DENND1B: variants seen among roughly 807,000 people sequenced by gnomAD.
DENND1B encodes the protein DENN domain containing 1B, also known as DENN domain-containing protein 1B.
In DENND1B, 59 loss-of-function variants were observed where a neutral mutation model predicts 90.1. The ratio of observed to expected loss-of-function variants is 0.65; its 90% CI spans 0.53 to 0.81. DENND1B has a LOEUF of 0.81. DENND1B is among the 40% of genes least tolerant of loss of function. The pLI, the probability that DENND1B is intolerant of heterozygous loss-of-function variation, is 0.00. For missense variants in DENND1B, 862 were observed against 912.6 expected (o/e 0.94, Z 0.71); for synonymous variants, 337 against 324.6 (o/e 1.04, Z -0.41).
At chr1:197,737,910 GA>G (rs1438015146) in intron 2 of DENND1B, among the ~76,000 whole-genome samples, 1 of 152,288 alleles carries the variant, frequency 6.6e-6, no homozygotes, top group Admixed American at 6.5e-5. Flanking sequence ...TTAGTTCTAA[GA>G]TAAAATTTCC....
intron 20 of DENND1B, among the ~76,000 whole-genome samples, chr1:197,529,310 G>GTA (rs1205865176): frequency 9.0e-5 from 13 of 143,704 alleles, no homozygotes; most frequent in East Asian, 4.0e-4. Context: ...GTGTATATAT[G>GTA]TATATATATG....
intron 9 of DENND1B, among the ~76,000 whole-genome samples, chr1:197,643,282 G>C (rs1212455771): frequency 6.6e-6 from 1 of 151,928 alleles, no homozygotes; most frequent in African/African-American, 2.4e-5. Flanking sequence ...AGCCACCAGA[G>C]TAGCTAGGAT....
intron 2 of DENND1B, among the ~76,000 whole-genome samples, chr1:197,759,878 T>C (rs778089484): frequency 6.6e-6 from 1 of 152,262 alleles, no homozygotes; most frequent in Non-Finnish European, 1.5e-5. Context: ...TTTAAATTTT[T>C]AACTCAGAAT....
chr1:197,546,963 A>G (rs1571828312), intron 16 of DENND1B, among the ~76,000 whole-genome samples, 190 bp from the exon 17 acceptor site: 1 of 152,352 alleles, frequency 6.6e-6, no homozygotes, highest in East Asian at 1.9e-4. Flanking sequence ...TTAGTCAATA[A>G]GATGATATCA....
At chr1:197,645,804 G>T in intron 8 of DENND1B, 61 bp from the exon 9 acceptor site, 2 of 1,159,358 alleles carry the variant, frequency 1.7e-6, no homozygotes, top group Middle Eastern at 2.6e-4. Flanking sequence ...CATATAATTT[G>T]TAATGAAAAT....
chr1:197,554,675 T>TAA, intron 15 of DENND1B, among the ~76,000 whole-genome samples: 1 of 151,134 alleles, frequency 6.6e-6, no homozygotes, highest in Admixed American at 6.6e-5. Context: ...CCATCTCTAC[T>TAA]AAAAAATACA....
intron 2 of DENND1B, among the ~76,000 whole-genome samples, chr1:197,744,812 A>G (rs550141539): frequency 3.3e-5 from 5 of 152,324 alleles, no homozygotes; most frequent in African/African-American, 9.6e-5. Context: ...AGGCTGTTTC[A>G]TCTACACTGA....
At chr1:197,697,609 T>A (rs1658570395) in intron 3 of DENND1B, among the ~76,000 whole-genome samples, 1 of 151,546 alleles carries the variant, frequency 6.6e-6, no homozygotes, top group Non-Finnish European at 1.5e-5. Context: ...GCACTCCAAT[T>A]AGAAGTAGAG....
intron 15 of DENND1B, among the ~76,000 whole-genome samples, chr1:197,576,078 A>T (rs1316370481): frequency 6.6e-6 from 1 of 152,200 alleles, no homozygotes; most frequent in Non-Finnish European, 1.5e-5. Context: ...CCTAAAGTAT[A>T]ATTTAAAAAG....
chr1:197,697,261 T>A (rs912246448), intron 3 of DENND1B, among the ~76,000 whole-genome samples: 20 of 151,760 alleles, frequency 1.3e-4, no homozygotes, highest in Admixed American at 3.3e-4. Context: ...GATTTTTTTT[T>A]ATGGCAAAAC....
At chr1:197,771,248 C>T (rs1656571634) in intron 2 of DENND1B, among the ~76,000 whole-genome samples, 4 of 152,222 alleles carry the variant, frequency 2.6e-5, no homozygotes, top group African/African-American at 9.6e-5. Flanking sequence ...ACTTCACGCA[C>T]CTTCGGTAAT....
chr1:197,520,845 G>T (rs1200029281), intron 20 of DENND1B, among the ~76,000 whole-genome samples: 1 of 151,834 alleles, frequency 6.6e-6, no homozygotes, highest in African/African-American at 2.4e-5. Flanking sequence ...TAAAAGTTTT[G>T]CTCCCCTGAA....
Position 197,770,762 on chromosome 1 carries a change from A to C in DENND1B, c.82+2106T>G, listed in dbSNP as rs1237122913. ...AATATATATATCTATAAATATATAT[A>C]AATATATATCTATAAATATATAAAT... On this transcript the variant is annotated intron_variant, in intron 2 of 22. Transcript: ENST00000620048. Among the ~76,000 whole-genome samples, 5 of 141,026 alleles carry C rather than the reference A, an allele frequency of 3.5e-5. No homozygotes were observed. The East Asian group carries it at 9.8e-4, about 28-fold the overall frequency. 92.5% of individuals were successfully genotyped at this position (141,026 alleles called of 152,430 possible).
intron 5 of DENND1B, among the ~76,000 whole-genome samples, chr1:197,662,218 G>A (rs1248284726): frequency 2.0e-5 from 3 of 152,036 alleles, no homozygotes; most frequent in Non-Finnish European, 4.4e-5. Context: ...TATTTGGGGA[G>A]TATAACTCAC....
chr1:197,630,487 A>T (rs560737931), intron 10 of DENND1B, among the ~76,000 whole-genome samples: 2 of 152,254 alleles, frequency 1.3e-5, no homozygotes, highest in East Asian at 3.9e-4. Context: ...CTAACTCTTA[A>T]TACTATCATA....
chr1:197,731,711 A>G (rs1431827542), intron 2 of DENND1B, among the ~76,000 whole-genome samples: 1 of 152,198 alleles, frequency 6.6e-6, no homozygotes, highest in African/African-American at 2.4e-5. Context: ...ATGAGCAAAA[A>G]AAAGGAAAAA....
At chr1:197,535,421 A>G (rs1441307272) in intron 20 of DENND1B, among the ~76,000 whole-genome samples, 4 of 152,202 alleles carry the variant, frequency 2.6e-5, no homozygotes, top group African/African-American at 9.7e-5. Flanking sequence ...CTAAACATAC[A>G]TACCTATGAT....
intron 1 of DENND1B, among the ~76,000 whole-genome samples, chr1:197,773,918 C>T (rs976681273): frequency 2.0e-5 from 3 of 152,140 alleles, no homozygotes; most frequent in Non-Finnish European, 4.4e-5. Context: ...ATATGTACTT[C>T]CTTCAAGAAA....
chr1:197,645,846 T>A (rs1433950120), intron 8 of DENND1B, 103 bp from the exon 9 acceptor site: 6 of 677,708 alleles, frequency 8.9e-6, no homozygotes, highest in Non-Finnish European at 1.4e-5. Context: ...AATTAAAAAA[T>A]GCCATGGACT....
Sources: allele counts gnomAD v4.1 joint callset (sites outside exome capture counted in the v4.1 genomes callset), GRCh38; gene constraint gnomAD v4.1.1; transcripts MANE v1.5; gene names NCBI Gene and HGNC (gene_info 2026-07-23, HGNC 2026-07-21).